SNF8: variants seen among roughly 807,000 people sequenced by gnomAD.
The protein encoded by SNF8 is SNF8 subunit of ESCRT-II, also known as vacuolar-sorting protein SNF8.
Under a neutral mutation model 36.8 loss-of-function variants are expected in SNF8, and 19 were observed. The observed-to-expected ratio is 0.52, with a 90% CI of 0.36 to 0.76. The LOEUF (loss-of-function observed/expected upper bound fraction) is 0.76. SNF8 is among the 30% of genes least tolerant of loss of function. SNF8 has a pLI of 0.00. For synonymous variants in SNF8, 127 were observed against 127.4 expected, an observed-to-expected ratio of 1.00 and a Z score of 0.02; for missense variants, 268 against 322.9, an observed-to-expected ratio of 0.83 and a Z score of 1.30.
chr17:48,936,562 C>T (rs2040937263), intron 4 of SNF8: 1 of 327,476 alleles, frequency 3.1e-6, no homozygotes, highest in Admixed American at 4.6e-5. Context: ...AGTTTTCTTT[C>T]TGTAACTTCA....
chr17:48,941,046 TCCAA>T lies in SNF8; in HGVS notation c.118_121del (p.Leu40ThrfsTer60). ...TTCCTCCAGGTTGGTCTTGAACATG[TCCAA>T]CTGCTTTGACATCTGTTGGATGGAC... is the stretch of plus-strand genomic sequence containing the variant. On this transcript the variant is annotated frameshift_variant, in exon 3 of 8. Transcript: ENST00000502492. LOFTEE classifies it high-confidence loss of function. The T allele has an allele frequency of 6.2e-7, 1 of 1,613,896 alleles. No individual in the cohort carries two copies. Among genetic ancestry groups the T allele is most frequent in the Non-Finnish European group, 8.5e-7 (1 of 1,179,996 alleles).
intron 3 of SNF8, 148 bp from the exon 4 acceptor site, chr17:48,937,272 C>G (rs749754704): frequency 1.4e-6 from 1 of 724,626 alleles, no homozygotes; most frequent in African/African-American, 1.8e-5. Flanking sequence ...AGGAAACAAT[C>G]GGACTCACGG....
chr17:48,936,866 G>A (rs2040941867), intron 4 of SNF8, 154 bp downstream of exon 4: 8 of 683,066 alleles, frequency 1.2e-5, no homozygotes, highest in Non-Finnish European at 2.1e-5. Context: ...CTTGGCCATG[G>A]AGACTTGCCA....
intron 3 of SNF8, among the ~76,000 whole-genome samples, chr17:48,939,277 A>AC (rs950242853): frequency 3.3e-5 from 5 of 150,944 alleles, no homozygotes; most frequent in African/African-American, 1.2e-4. Flanking sequence ...GAAAAAAAAA[A>AC]AAAAAAACAC....
intron 1 of SNF8, among the ~76,000 whole-genome samples, chr17:48,944,318 CAAAAA>C (rs1250997711): frequency 1.3e-5 from 2 of 152,128 alleles, no homozygotes; most frequent in African/African-American, 4.8e-5. Flanking sequence ...CAAAACAAAA[CAAAAA>C]AACACAGAGT....
Position 48,930,409 on chromosome 17 carries a change from T to C in SNF8, c.*66A>G, listed in dbSNP as rs974890545. ...TTTTCTATTTTTTGTATAAACAAAATTGCCCAGGTTTATTTGCCACCTCCG... is the reference window on the plus strand; with the variant it reads ...TTTTCTATTTTTTGTATAAACAAAACTGCCCAGGTTTATTTGCCACCTCCG... On this transcript the variant is annotated 3_prime_UTR_variant, in exon 8 of 8. Coordinates refer to ENST00000502492, the MANE Select transcript of SNF8 (RefSeq NM_007241.4). The C allele has an allele frequency of 7.2e-7, 1 of 1,394,052 alleles. No homozygotes were observed. Among genetic ancestry groups the C allele is most frequent in the South Asian group, 1.7e-5 (1 of 57,996 alleles). The allele number at this position is 1,394,052 out of a possible 1,614,324, so 86.4% of individuals were successfully genotyped here. A position where few individuals can be genotyped will look rare whatever the true frequency, so the allele number is the denominator to read the frequency against.
At chr17:48,940,651 G>A (rs1420582060) in intron 3 of SNF8, among the ~76,000 whole-genome samples, 1 of 152,058 alleles carries the variant, frequency 6.6e-6, no homozygotes, top group East Asian at 1.9e-4. Context: ...TTAGCTGGAC[G>A]TGGTCGCGAG....
Position 48,944,829 on chromosome 17 carries a change from C to G in SNF8, c.-95G>C. ...GGCTCCCCAAGGCGGAAGCCCGAGCCGCGCGTCATCTGCACGCGCCGGAAG... is the reference window on the plus strand; with the variant it reads ...GGCTCCCCAAGGCGGAAGCCCGAGCGGCGCGTCATCTGCACGCGCCGGAAG... On this transcript the variant is annotated 5_prime_UTR_variant, in exon 1 of 8. Coordinates refer to ENST00000502492, the MANE Select transcript of SNF8 (RefSeq NM_007241.4). The G allele has an allele frequency of 2.1e-6, 3 of 1,398,434 alleles. No individual in the cohort carries two copies. The highest frequency in any genetic ancestry group is 2.8e-6 in the Non-Finnish European group (3 of 1,087,112). 86.6% of individuals were successfully genotyped at this position (1,398,434 alleles called of 1,614,324 possible).
At chr17:48,933,530 C>G (rs772235606) in intron 5 of SNF8, 184 bp from the exon 6 acceptor site, 12 of 642,118 alleles carry the variant, frequency 1.9e-5, no homozygotes, top group Non-Finnish European at 3.2e-5. Context: ...CTGCTTGAGC[C>G]CAGGGGTTAG....
At chr17:48,936,002 C>A in intron 5 of SNF8, 168 bp downstream of exon 5, 2 of 549,102 alleles carry the variant, frequency 3.6e-6, no homozygotes, top group Non-Finnish European at 6.5e-6. Flanking sequence ...AAAAGTGAGA[C>A]CCTATCTCTT....
chr17:48,942,313 G>C (rs2041041111), intron 2 of SNF8, among the ~76,000 whole-genome samples: 1 of 149,380 alleles, frequency 6.7e-6, no homozygotes, highest in African/African-American at 2.5e-5. Context: ...CTCCAGCCTG[G>C]GCAACAAGAG....
chr17:48,939,911 C>T (rs1238182442), intron 3 of SNF8, among the ~76,000 whole-genome samples: 2 of 150,914 alleles, frequency 1.3e-5, no homozygotes, highest in African/African-American at 2.4e-5. Context: ...CTCCTCTCTA[C>T]AAAAAATACA....
At chr17:48,940,769 G>T (rs1374200326) in intron 3 of SNF8, among the ~76,000 whole-genome samples, 155 bp downstream of exon 3, 3 of 152,112 alleles carry the variant, frequency 2.0e-5, no homozygotes, top group South Asian at 2.1e-4. Flanking sequence ...CAGCCTGGGC[G>T]ACAGAGCAAA....
At position 48,930,507 on chromosome 17, in the gene SNF8, T is replaced by C; in HGVS notation, c.745A>G (p.Thr249Ala). 1 of 1,611,580 alleles carries C rather than the reference T, an allele frequency of 6.2e-7. No homozygotes were observed. The highest frequency in any genetic ancestry group is 2.2e-5 in the East Asian group (1 of 44,882). Residue 249 changes from threonine (T) to alanine (A), a missense_variant, in exon 8 of 8, where the codon ACA becomes GCA. Physicochemically the swap from Thr to Ala is moderately conservative, Grantham distance 58. Coordinates refer to ENST00000502492, the MANE Select transcript of SNF8 (RefSeq NM_007241.4). The stretch of plus-strand genomic sequence containing the variant: ...AGGGCTTCTCTGGCCTCCTCAGCTG[T>C]AATCTCCTGGGAGTAGAGGTCAGTG... ...LFTDLYSQEI[T>A]AEEAREALP
At chr17:48,943,228 G>C (rs112217959) in intron 2 of SNF8, among the ~76,000 whole-genome samples, 19,615 of 151,820 alleles carry the variant, frequency 0.13, 2,500 homozygotes, top group African/African-American at 0.33. Context: ...CCAGCACTCT[G>C]GGAGGCCGAG....
rs575187132 is a variant in SNF8 at position 48,940,309 on chromosome 17, G to A, written c.244+615C>T. Among the ~76,000 whole-genome samples, 6 of 151,680 alleles carry A rather than the reference G, an allele frequency of 4.0e-5. No homozygotes were observed. The South Asian group carries it at 1.0e-3, about 26-fold the overall frequency. On this transcript the variant is annotated intron_variant, in intron 3 of 7. Coordinates refer to ENST00000502492, the MANE Select transcript of SNF8 (RefSeq NM_007241.4). ...GCCTGCCTTGGCCTTGCAAAGTGCT[G>A]GGATTACAGGCATGAGCCATTGCAC...
intron 2 of SNF8, among the ~76,000 whole-genome samples, chr17:48,941,880 A>G (rs887243253): frequency 1.1e-4 from 17 of 151,824 alleles, no homozygotes; most frequent in African/African-American, 3.9e-4. Context: ...TAGTGGAGAC[A>G]GGGTTTCATC....
chr17:48,936,633 G>A (rs2040938037), intron 4 of SNF8: 2 of 312,818 alleles, frequency 6.4e-6, no homozygotes, highest in African/African-American at 4.3e-5. Context: ...AAATTTTAAG[G>A]TCACATTTTA....
chr17:48,941,021 T>C lies in SNF8; in HGVS notation c.147A>G (p.Glu49=), dbSNP rs143703884. ...QLDMFKTNLE[E]FASKHKQEIR... Reference sequence around the variant, plus strand: ...TCTCCTGCTTGTGTTTGCTGGCAAATTCCTCCAGGTTGGTCTTGAACATGT... The same window carrying C: ...TCTCCTGCTTGTGTTTGCTGGCAAACTCCTCCAGGTTGGTCTTGAACATGT... The change falls in exon 3 of 8, where the codon GAA becomes GAG. Residue 49 remains glutamate (E), a synonymous_variant. Transcript: ENST00000502492. 3.0e-4 allele frequency: 478 copies of C among 1,613,834 alleles called. 3 individuals are homozygous for C. The South Asian group carries it at 4.6e-3, about 16-fold the overall frequency.
Sources: allele counts gnomAD v4.1 joint callset (sites outside exome capture counted in the v4.1 genomes callset), GRCh38; gene constraint gnomAD v4.1.1; transcripts MANE v1.5; gene names NCBI Gene and HGNC (gene_info 2026-07-23, HGNC 2026-07-21).